Variants in CAMTA1 observed in about 807,000 individuals in gnomAD.
CAMTA1 encodes calmodulin-binding transcription activator 1.
A neutral mutation model predicts 170.9 loss-of-function variants in CAMTA1; 27 were observed. The observed-to-expected ratio is 0.16, with a 90% confidence interval of 0.12 to 0.22. CAMTA1 has a LOEUF of 0.22. Ranked by LOEUF, CAMTA1 falls within the 10% of genes least tolerant of loss-of-function variation. The pLI is 1.00. For synonymous variants in CAMTA1, 833 were observed against 891.5 expected (o/e 0.93, Z 1.17); for missense variants, 1,619 against 2,217.2 (o/e 0.73, Z 5.42).
intron 3 of CAMTA1, among the ~76,000 whole-genome samples, chr1:6,908,100 C>T (rs914572194): frequency 6.6e-6 from 1 of 152,236 alleles, no homozygotes; most frequent in East Asian, 1.9e-4. Flanking sequence ...ACAGTGCCCA[C>T]CCTGTGACTT....
At chr1:7,091,025 G>A (rs1641401031) in intron 3 of CAMTA1, among the ~76,000 whole-genome samples, 1 of 152,176 alleles carries the variant, frequency 6.6e-6, no homozygotes, top group Admixed American at 6.5e-5. Flanking sequence ...ATCTGAAATG[G>A]TGTCTGATGT....
In CAMTA1 at chr1:7,665,722, AAGAG is replaced by A. The variant is rs2095995396; in HGVS notation, c.2652+527_2652+530del. ...AGAGTGAAACCCTGTCTCAAAAAAA[AAGAG>A]AGAAAGTCAGGGTATCCTTGGAAGC... On this transcript the variant is annotated intron_variant, in intron 9 of 22. Transcript: ENST00000303635. The surrounding 1 kb of genome is among the most constrained non-coding windows in gnomAD (Gnocchi z 4.3). Among the ~76,000 whole-genome samples, 1 of 152,094 alleles carries A rather than the reference AAGAG, an allele frequency of 6.6e-6. No individual in the cohort carries two copies. The highest frequency in any genetic ancestry group is 2.1e-4 in the South Asian group (1 of 4,822).
chr1:7,460,715 T>G (rs903276970), intron 5 of CAMTA1, among the ~76,000 whole-genome samples: 5 of 152,124 alleles, frequency 3.3e-5, no homozygotes, highest in Non-Finnish European at 5.9e-5. Context: ...CTATGAGCTC[T>G]TTTCTTCCAT....
chr1:7,442,287 C>G (rs1484698426), intron 5 of CAMTA1, among the ~76,000 whole-genome samples: 3 of 152,216 alleles, frequency 2.0e-5, no homozygotes, highest in South Asian at 4.1e-4. Context: ...ATACAGGAGA[C>G]AACCGTGTTG....
At chr1:6,811,817 C>T (rs940394802) in intron 1 of CAMTA1, among the ~76,000 whole-genome samples, 6 of 152,194 alleles carry the variant, frequency 3.9e-5, no homozygotes, top group African/African-American at 1.2e-4. Flanking sequence ...ACCTCCATTC[C>T]GGGGCTGTGG....
intron 3 of CAMTA1, among the ~76,000 whole-genome samples, chr1:6,847,331 A>C (rs1658588039): frequency 2.0e-5 from 3 of 152,160 alleles, no homozygotes; most frequent in Non-Finnish European, 4.4e-5. Flanking sequence ...GAGAATCAGC[A>C]AGAAAACTTT....
intron 3 of CAMTA1, among the ~76,000 whole-genome samples, chr1:6,855,888 C>T (rs1662152908): frequency 2.0e-5 from 3 of 152,156 alleles, no homozygotes; most frequent in South Asian, 2.1e-4. Context: ...AGATCCAGAC[C>T]TCATCCAGAG....
At chr1:7,468,559 G>A (rs2093265458) in intron 6 of CAMTA1, among the ~76,000 whole-genome samples, 1 of 152,244 alleles carries the variant, frequency 6.6e-6, no homozygotes, top group African/African-American at 2.4e-5. Context: ...TCGTCTGCCA[G>A]CTGTCTTGCC....
At chr1:6,983,852 A>G (rs927451592) in intron 3 of CAMTA1, among the ~76,000 whole-genome samples, 3 of 130,666 alleles carry the variant, frequency 2.3e-5, no homozygotes, top group Non-Finnish European at 3.2e-5. Context: ...TGGGTGGGTG[A>G]TAGATGAATG....
At chr1:7,470,630 C>T (rs889582780) in intron 6 of CAMTA1, among the ~76,000 whole-genome samples, 1 of 152,278 alleles carries the variant, frequency 6.6e-6, no homozygotes, top group Admixed American at 6.5e-5. Flanking sequence ...TCTCAGCCCC[C>T]TGCAGGGGGT....
At position 7,547,222 on chromosome 1, in the gene CAMTA1, T is replaced by G. The variant is rs1475553151; in HGVS notation, c.510+79321T>G. ...CTTGTACTTTCCTGAAATCAACCAT[T>G]TCTCCAAAGAAACCTGGTTTCTTTT... On this transcript the variant is annotated intron_variant, in intron 6 of 22. Transcript: ENST00000303635. The surrounding 1 kb of genome is among the most constrained non-coding windows in gnomAD (Gnocchi z 5.7). Among the ~76,000 whole-genome samples, 1 of 152,132 alleles carries G rather than the reference T, an allele frequency of 6.6e-6. No homozygotes were observed. The highest frequency in any genetic ancestry group is 2.4e-5 in the African/African-American group (1 of 41,428).
chr1:6,901,087 C>G (rs1676834724), intron 3 of CAMTA1, among the ~76,000 whole-genome samples: 1 of 151,588 alleles, frequency 6.6e-6, no homozygotes, highest in Non-Finnish European at 1.5e-5. Context: ...GAAACAGATC[C>G]ACACATAGAT....
intron 6 of CAMTA1, among the ~76,000 whole-genome samples, chr1:7,502,238 G>C (rs533798784): frequency 6.6e-6 from 1 of 152,196 alleles, no homozygotes; most frequent in Non-Finnish European, 1.5e-5. Flanking sequence ...TCCAGACCCT[G>C]GCCAACGGCA....
At position 7,325,350 on chromosome 1, in the gene CAMTA1, C is replaced by A. The variant is rs1574690339; in HGVS notation, c.438+75724C>A. 6.6e-6 allele frequency among the ~76,000 whole-genome samples: 1 copy of A among 152,136 alleles called. No homozygotes were observed. The highest frequency in any genetic ancestry group is 2.4e-5 in the African/African-American group (1 of 41,430). ...TTTCTGTGGAGTGCTCAGGGGCGGC[C>A]TTGAATGGAGGCTGGAGGGTGCCAG... On this transcript the variant is annotated intron_variant, in intron 5 of 22. Transcript: ENST00000303635. This position sits in a 1 kb window ranked among gnomAD's most constrained non-coding sequence, Gnocchi z 5.0.
chr1:6,825,935 G>A (rs1647050684), intron 3 of CAMTA1, among the ~76,000 whole-genome samples: 2 of 152,102 alleles, frequency 1.3e-5, no homozygotes, highest in African/African-American at 2.4e-5. Flanking sequence ...TTGGGTATAC[G>A]TCCATCAATT....
At chr1:7,127,582 C>T (rs1252986154) in intron 4 of CAMTA1, among the ~76,000 whole-genome samples, 1 of 152,146 alleles carries the variant, frequency 6.6e-6, no homozygotes, top group African/African-American at 2.4e-5. Context: ...ATTCATTCAC[C>T]CTGCATCCGT....
chr1:7,246,012 A>C (rs1296592881), intron 4 of CAMTA1, among the ~76,000 whole-genome samples: 2 of 152,168 alleles, frequency 1.3e-5, no homozygotes, highest in African/African-American at 4.8e-5. Flanking sequence ...ATTGCCCCAG[A>C]GTGACCCCAG....
chr1:7,498,583 ATGTG>A (rs374167732), intron 6 of CAMTA1, among the ~76,000 whole-genome samples: 2 of 151,950 alleles, frequency 1.3e-5, no homozygotes, highest in East Asian at 1.9e-4. Context: ...ATGCATGTGC[ATGTG>A]TGTGTACGTG....
chr1:7,593,887 CAA>C (rs1049897314), intron 6 of CAMTA1, among the ~76,000 whole-genome samples: 5 of 150,946 alleles, frequency 3.3e-5, no homozygotes, highest in African/African-American at 1.2e-4. Flanking sequence ...ACTAAAAATG[CAA>C]AAATTAACCT....
Sources: allele counts gnomAD v4.1 joint callset (sites outside exome capture counted in the v4.1 genomes callset), GRCh38; gene constraint gnomAD v4.1.1; non-coding constraint Gnocchi (gnomAD v3.1); transcripts MANE v1.5; gene names NCBI Gene and HGNC (gene_info 2026-07-23, HGNC 2026-07-21).